RETREG1: variants seen among roughly 807,000 people sequenced by gnomAD.
RETREG1 encodes family with sequence similarity 134 member B.
A neutral mutation model predicts 54.8 loss-of-function variants in RETREG1; 44 were observed. That is an observed-to-expected ratio of 0.80 (90% CI 0.63 to 1.03). The LOEUF is 1.03. Ranked by LOEUF, RETREG1 falls within the 50% of genes least tolerant of loss-of-function variation. The pLI, the probability that RETREG1 is intolerant of heterozygous loss-of-function variation, is 0.00. For missense variants in RETREG1, 554 were observed against 605.1 expected, an observed-to-expected ratio of 0.92 and a Z score of 0.89; for synonymous variants, 217 against 238.5, an observed-to-expected ratio of 0.91 and a Z score of 0.83.
At chr5:16,489,495 A>C (rs33691) in intron 3 of RETREG1, among the ~76,000 whole-genome samples, 1 of 152,040 alleles carries the variant, frequency 6.6e-6, no homozygotes, top group Non-Finnish European at 1.5e-5. Context: ...AAGACAGAAC[A>C]TGTGCTAGCA....
At chr5:16,490,833 C>T (rs1271202783) in intron 3 of RETREG1, among the ~76,000 whole-genome samples, 1 of 152,180 alleles carries the variant, frequency 6.6e-6, no homozygotes, top group Admixed American at 6.5e-5. Flanking sequence ...CACATTAGGG[C>T]AGTGCCACAG....
chr5:16,563,066 G>GT (rs1741908025), intron 3 of RETREG1, among the ~76,000 whole-genome samples: 1 of 152,066 alleles, frequency 6.6e-6, no homozygotes, highest in African/African-American at 2.4e-5. Flanking sequence ...ATCTAAAACT[G>GT]TTTTTAAAAA....
intron 3 of RETREG1, among the ~76,000 whole-genome samples, chr5:16,547,479 C>A (rs546205795): frequency 6.6e-6 from 1 of 152,144 alleles, no homozygotes. Context: ...GAACTGTTGG[C>A]GCTCTTAACT....
chr5:16,500,349 A>T (rs973028913), intron 3 of RETREG1, among the ~76,000 whole-genome samples: 3 of 152,164 alleles, frequency 2.0e-5, no homozygotes, highest in Non-Finnish European at 4.4e-5. Flanking sequence ...GGTTTTAAGA[A>T]GGCAGTTTAC....
intron 4 of RETREG1, chr5:16,482,888 A>T (rs1161613181): frequency 1.2e-5 from 2 of 165,432 alleles, no homozygotes; most frequent in Non-Finnish European, 2.6e-5. Flanking sequence ...TGTTTTTGCC[A>T]AAAGTTTTCT....
At chr5:16,503,939 G>C (rs910034701) in intron 3 of RETREG1, among the ~76,000 whole-genome samples, 1 of 151,900 alleles carries the variant, frequency 6.6e-6, no homozygotes, top group South Asian at 2.1e-4. Flanking sequence ...TGTGCAGGAT[G>C]TGCAGGTTTG....
At chr5:16,490,085 A>T (rs752297780) in intron 3 of RETREG1, among the ~76,000 whole-genome samples, 34 of 152,144 alleles carry the variant, frequency 2.2e-4, no homozygotes, top group Non-Finnish European at 7.3e-5. Context: ...GAGTAGATGG[A>T]AAAAGAGAGG....
chr5:16,487,401 C>T (rs762607776), intron 3 of RETREG1, among the ~76,000 whole-genome samples: 2 of 152,186 alleles, frequency 1.3e-5, no homozygotes, highest in Non-Finnish European at 2.9e-5. Context: ...GAACTCACCA[C>T]ACACTCCAGC....
intron 3 of RETREG1, among the ~76,000 whole-genome samples, chr5:16,536,233 C>T (rs1211162271): frequency 6.6e-6 from 1 of 152,190 alleles, no homozygotes; most frequent in Non-Finnish European, 1.5e-5. Context: ...AATGCTAGGA[C>T]TGACCAGAAT....
chr5:16,553,159 A>C (rs6869039), intron 3 of RETREG1, among the ~76,000 whole-genome samples: 5,167 of 152,054 alleles, frequency 0.034, 260 homozygotes, highest in African/African-American at 0.12. Context: ...TCGTAAACTC[A>C]GAAACAGAAA....
At chr5:16,616,569 C>T in intron 1 of RETREG1, 83 bp downstream of exon 1, 1 of 1,528,830 alleles carries the variant, frequency 6.5e-7, no homozygotes, top group Non-Finnish European at 8.8e-7. Flanking sequence ...CCCGCGGGCT[C>T]CCCCTGCACT....
intron 1 of RETREG1, among the ~76,000 whole-genome samples, chr5:16,599,370 TAATA>T (rs1303392621): frequency 6.6e-6 from 1 of 152,182 alleles, no homozygotes; most frequent in African/African-American, 2.4e-5. Flanking sequence ...TACTACTCAG[TAATA>T]AATTATCATC....
chr5:16,490,550 C>CATCTTATAAACTTACT (rs1409298391), intron 3 of RETREG1, among the ~76,000 whole-genome samples: 2 of 152,152 alleles, frequency 1.3e-5, no homozygotes, highest in African/African-American at 4.8e-5. Context: ...TAGTGAACAG[C>CATCTTATAAACTTACT]ATCTTATAAA....
At chr5:16,572,303 C>A (rs1292738773) in intron 1 of RETREG1, among the ~76,000 whole-genome samples, 2 of 151,684 alleles carry the variant, frequency 1.3e-5, no homozygotes, top group Non-Finnish European at 2.9e-5. Flanking sequence ...ACCTCTGCCT[C>A]CCTGGTTCAA....
At chr5:16,529,693 C>T (rs918502816) in intron 3 of RETREG1, among the ~76,000 whole-genome samples, 10 of 151,960 alleles carry the variant, frequency 6.6e-5, no homozygotes, top group Admixed American at 1.3e-4. Context: ...TACTTGAGTT[C>T]TTAGCTATAT....
chr5:16,541,663 G>A (rs1741248596), intron 3 of RETREG1, among the ~76,000 whole-genome samples: 1 of 151,086 alleles, frequency 6.6e-6, no homozygotes, highest in Non-Finnish European at 1.5e-5. Context: ...CTCTAGCCTG[G>A]GCAACAAAGT....
intron 3 of RETREG1, among the ~76,000 whole-genome samples, chr5:16,540,383 G>A (rs561239199): frequency 5.9e-5 from 9 of 152,316 alleles, no homozygotes; most frequent in Middle Eastern, 3.4e-3. Flanking sequence ...ATGTCACACA[G>A]GAATACCCAC....
rs1395132650 is a variant in RETREG1, at chr5:16,573,750, T to TTG, written c.321-1649_321-1648insCA. Among the ~76,000 whole-genome samples the TTG allele has an allele frequency of 2.8e-5, 4 of 145,348 alleles. No individual in the cohort carries two copies. The East Asian group carries it at 6.0e-4, about 22-fold the overall frequency. ...GGGTTTGTTTGTTTTTTGTTTTTTTTTTTTTTTTTTTGAGATGGAGTTTCA... is the reference window on the plus strand; with the variant it reads ...GGGTTTGTTTGTTTTTTGTTTTTTTTTGTTTTTTTTTTTGAGATGGAGTTTCA... On this transcript the variant is annotated intron_variant, in intron 1 of 8. Transcript: ENST00000306320.
intron 5 of RETREG1, among the ~76,000 whole-genome samples, chr5:16,480,410 C>T (rs553234835): frequency 6.6e-6 from 1 of 152,206 alleles, no homozygotes; most frequent in South Asian, 2.1e-4. Context: ...CTGCTTTTGG[C>T]TACTACATAT....
Sources: allele counts gnomAD v4.1 joint callset (sites outside exome capture counted in the v4.1 genomes callset), GRCh38; gene constraint gnomAD v4.1.1; transcripts MANE v1.5; gene names NCBI Gene and HGNC (gene_info 2026-07-23, HGNC 2026-07-21).